Variants in CNTN4 observed in about 807,000 individuals in gnomAD.
The protein encoded by CNTN4 is contactin 4.
A neutral mutation model predicts 122.5 loss-of-function variants in CNTN4; 77 were observed. The observed-to-expected ratio is 0.63, with a 90% CI of 0.52 to 0.76. CNTN4 has a LOEUF of 0.76. CNTN4 is among the 30% of genes least tolerant of loss of function. The pLI is 0.00. For missense variants in CNTN4, 1,256 were observed against 1,259.1 expected (o/e 1.00, Z 0.04); for synonymous variants, 512 against 447.0 (o/e 1.15, Z -1.83).
intron 8 of CNTN4, among the ~76,000 whole-genome samples, chr3:2,869,884 A>C (rs950756357): frequency 1.3e-5 from 2 of 152,358 alleles, no homozygotes; most frequent in East Asian, 3.9e-4. Context: ...TATCAGTGCT[A>C]TCTCTCCAGA....
At chr3:2,861,821 G>T (rs1394077889) in intron 7 of CNTN4, among the ~76,000 whole-genome samples, 2 of 152,154 alleles carry the variant, frequency 1.3e-5, no homozygotes, top group African/African-American at 4.8e-5. Flanking sequence ...TGTCAAATGA[G>T]CATGTTGGAT....
At chr3:2,850,564 C>T (rs1559578751) in intron 7 of CNTN4, among the ~76,000 whole-genome samples, 1 of 152,144 alleles carries the variant, frequency 6.6e-6, no homozygotes, top group African/African-American at 2.4e-5. Context: ...CATGCGAAAC[C>T]ATGTTCTGTG....
At chr3:2,378,425 G>GT (rs2150737692) in intron 3 of CNTN4, among the ~76,000 whole-genome samples, 1 of 152,210 alleles carries the variant, frequency 6.6e-6, no homozygotes, top group East Asian at 1.9e-4. Context: ...GTCCCATTGC[G>GT]TTTTTTGGCC....
At chr3:2,463,301 A>G (rs866668846) in intron 3 of CNTN4, among the ~76,000 whole-genome samples, 1 of 152,236 alleles carries the variant, frequency 6.6e-6, no homozygotes, top group South Asian at 2.1e-4. Flanking sequence ...AAGTAAAACT[A>G]AAGTTTAGCT....
intron 2 of CNTN4, among the ~76,000 whole-genome samples, chr3:2,332,488 G>A (rs2043772114): frequency 6.6e-6 from 1 of 152,034 alleles, no homozygotes; most frequent in Non-Finnish European, 1.5e-5. Context: ...CTTAAGAAGA[G>A]TAACTTCTGT....
intron 12 of CNTN4, among the ~76,000 whole-genome samples, chr3:2,916,425 A>AG (rs1156540611): frequency 2.7e-5 from 4 of 149,700 alleles, no homozygotes; most frequent in Admixed American, 6.7e-5. Flanking sequence ...TGCTGCCTTC[A>AG]AGCATCTGTT....
chr3:2,447,292 C>T (rs2048662283), intron 3 of CNTN4, among the ~76,000 whole-genome samples: 1 of 152,106 alleles, frequency 6.6e-6, no homozygotes, highest in African/African-American at 2.4e-5. Context: ...TGTGTTGAAA[C>T]ATTGCTCACC....
At chr3:2,450,624 G>GT (rs1370423737) in intron 3 of CNTN4, among the ~76,000 whole-genome samples, 18 of 151,790 alleles carry the variant, frequency 1.2e-4, no homozygotes, top group Admixed American at 6.6e-5. Context: ...GTTTTTACCG[G>GT]TTAAAAAAAA....
chr3:2,389,399 T>C (rs1019728121), intron 3 of CNTN4, among the ~76,000 whole-genome samples: 1 of 151,126 alleles, frequency 6.6e-6, no homozygotes, highest in African/African-American at 2.4e-5. Flanking sequence ...TGCAGCCTTC[T>C]CATTATGTTG....
chr3:2,555,332 T>A (rs990281845), intron 3 of CNTN4, among the ~76,000 whole-genome samples: 2 of 152,158 alleles, frequency 1.3e-5, no homozygotes, highest in African/African-American at 4.8e-5. Context: ...CTTATTCTGC[T>A]TTTTCCTCGG....
At chr3:2,920,363 A>G (rs538808123) in intron 12 of CNTN4, among the ~76,000 whole-genome samples, 2 of 82,524 alleles carry the variant, frequency 2.4e-5, no homozygotes, top group Admixed American at 1.2e-4. Flanking sequence ...TTGTGACAAT[A>G]GAATAGTTCC....
At chr3:2,633,021 CAT>C (rs1372971825) in intron 4 of CNTN4, among the ~76,000 whole-genome samples, 6 of 148,920 alleles carry the variant, frequency 4.0e-5, no homozygotes, top group South Asian at 2.1e-4. Context: ...CTATTTATAA[CAT>C]ATATAAATTA....
intron 3 of CNTN4, among the ~76,000 whole-genome samples, chr3:2,387,197 G>T (rs569162593): frequency 1.3e-5 from 2 of 152,058 alleles, no homozygotes; most frequent in South Asian, 4.1e-4. Context: ...AATATCTAAA[G>T]TTACTTAGAT....
chr3:2,477,061 G>A (rs2075855118), intron 3 of CNTN4, among the ~76,000 whole-genome samples: 1 of 152,164 alleles, frequency 6.6e-6, no homozygotes, highest in Non-Finnish European at 1.5e-5. Context: ...TGTTTTGACA[G>A]CCTAAAAAGC....
chr3:2,220,741 A>G (rs1268876520), intron 2 of CNTN4, among the ~76,000 whole-genome samples: 5 of 152,116 alleles, frequency 3.3e-5, no homozygotes, highest in Non-Finnish European at 7.4e-5. Flanking sequence ...ATACTGTAGC[A>G]TATAGAAAGT....
chr3:2,266,951 A>G (rs2041074987), intron 2 of CNTN4, among the ~76,000 whole-genome samples: 1 of 152,150 alleles, frequency 6.6e-6, no homozygotes, highest in Non-Finnish European at 1.5e-5. Flanking sequence ...AGCAAACATT[A>G]CTGTGATTCA....
At chr3:2,863,836 A>G (rs1185431059) in intron 7 of CNTN4, among the ~76,000 whole-genome samples, 1 of 152,208 alleles carries the variant, frequency 6.6e-6, no homozygotes, top group Non-Finnish European at 1.5e-5. Flanking sequence ...TGTTTAATCC[A>G]GTACTTCTCA....
intron 6 of CNTN4, among the ~76,000 whole-genome samples, chr3:2,797,529 C>G (rs1202505334): frequency 7.9e-5 from 12 of 152,180 alleles, no homozygotes; most frequent in Non-Finnish European, 1.5e-5. Flanking sequence ...ACCTGGGAGG[C>G]GGAAGTTGCA....
At chr3:2,520,840 C>G (rs897797767) in intron 3 of CNTN4, among the ~76,000 whole-genome samples, 7 of 152,114 alleles carry the variant, frequency 4.6e-5, no homozygotes, top group Admixed American at 1.3e-4. Flanking sequence ...GTGGTCCCAT[C>G]TTGAGGACCA....
Sources: allele counts gnomAD v4.1 joint callset (sites outside exome capture counted in the v4.1 genomes callset), GRCh38; gene constraint gnomAD v4.1.1; transcripts MANE v1.5; gene names NCBI Gene and HGNC (gene_info 2026-07-23, HGNC 2026-07-21).